The following ZNF682 variants were observed in gnomAD, a reference collection of about 807,000 sequenced individuals.
The protein encoded by ZNF682 is zinc finger protein 682.
In ZNF682, 29 loss-of-function variants were observed where a neutral mutation model predicts 36.5. The ratio of observed to expected loss-of-function variants is 0.80; its 90% CI spans 0.59 to 1.08. The LOEUF is 1.08. Among genes scored for constraint, ZNF682 ranks in the 50% least tolerant of loss-of-function variants. The probability of loss-of-function intolerance (pLI) is 0.00; values close to 1 mark genes in which losing one functional copy is unlikely to be tolerated. For missense variants in ZNF682, 561 were observed against 579.7 expected (o/e 0.97, Z 0.33); for synonymous variants, 180 against 197.0 (o/e 0.91, Z 0.72).
intron 1 of ZNF682, chr19:20,030,627 C>T (rs938922681): frequency 6.6e-6 from 1 of 152,104 alleles, no homozygotes; most frequent in African/African-American, 2.4e-5. Context: ...CATGAGTGGC[C>T]CTTCAGATGG....
chr19:20,035,371 G>A (rs529541250), intron 1 of ZNF682, among the ~76,000 whole-genome samples: 4 of 151,848 alleles, frequency 2.6e-5, no homozygotes, highest in East Asian at 3.9e-4. Context: ...GATTACAGGC[G>A]CCCACCACCA....
chr19:20,032,697 A>G (rs1177272544), intron 1 of ZNF682, among the ~76,000 whole-genome samples: 2 of 152,222 alleles, frequency 1.3e-5, no homozygotes, highest in African/African-American at 2.4e-5. Flanking sequence ...AAACCATATG[A>G]TTACACAATT....
At chr19:20,033,192 G>T (rs998716728) in intron 1 of ZNF682, among the ~76,000 whole-genome samples, 1 of 152,146 alleles carries the variant, frequency 6.6e-6, no homozygotes, top group Non-Finnish European at 1.5e-5. Context: ...AGAATCACTT[G>T]AACCTGGGAG....
rs140028929 is a variant in ZNF682, at chr19:20,028,196, A to T, written c.4-3820T>A. Reference sequence around the variant, plus strand: ...AATCATCTGGTATTTCAAGCCCCAGACTAATTTGATTCTGCAGGTTTGTTT... The same window carrying T: ...AATCATCTGGTATTTCAAGCCCCAGTCTAATTTGATTCTGCAGGTTTGTTT... On this transcript the variant is annotated intron_variant, in intron 1 of 3. Coordinates refer to ENST00000397165, the MANE Select transcript of ZNF682 (RefSeq NM_033196.3). 1.5e-4 allele frequency among the ~76,000 whole-genome samples: 19 copies of T among 129,086 alleles called. No homozygotes were observed. In the South Asian group the frequency reaches 5.0e-3, roughly 34 times the overall value. The allele number at this position is 129,086 out of a possible 152,430, so 84.7% of individuals were successfully genotyped here. A position where few individuals can be genotyped will look rare whatever the true frequency, so the allele number is the denominator to read the frequency against.
At chr19:20,034,970 C>T (rs1203334935) in intron 1 of ZNF682, among the ~76,000 whole-genome samples, 1 of 145,328 alleles carries the variant, frequency 6.9e-6, no homozygotes, top group Middle Eastern at 3.2e-3. Flanking sequence ...TTGGTGCGTG[C>T]CTGTAATCCC....
At position 20,007,015 on chromosome 19, in the gene ZNF682, CT is replaced by C. The variant is rs1173733094; in HGVS notation, c.486del (p.Glu163LysfsTer3). The C allele has an allele frequency of 6.2e-7, 1 of 1,613,142 alleles. No individual in the cohort carries two copies. The highest frequency in any genetic ancestry group is 1.1e-5 in the South Asian group (1 of 90,980). ...TTCTCTGTAGTATGTCTTATGTTTT[CT>C]CTATTTAGATTTGATGATTTACTAA... ...KVFSKSSNLN[R>X]ENIRHTTEKL... On this transcript the variant is annotated frameshift_variant, in exon 4 of 4. Coordinates refer to ENST00000397165, the MANE Select transcript of ZNF682 (RefSeq NM_033196.3). LOFTEE classifies it high-confidence loss of function.
rs186786858 is a variant in ZNF682, at chr19:20,009,799, T to C, written c.227-2524A>G. Among the ~76,000 whole-genome samples the C allele has an allele frequency of 1.7e-3, 256 of 152,224 alleles. 2 individuals carry two copies. The highest frequency in any genetic ancestry group is 6.0e-3 in the African/African-American group (248 of 41,556). On this transcript the variant is annotated intron_variant, in intron 3 of 3. Transcript: ENST00000397165. The stretch of plus-strand genomic sequence containing the variant: ...TTTTTGGGAGGCCAAGGTGGGCAGA[T>C]CACCTGAGTTCAGGAGTTCAAGACC...
At chr19:20,003,954 C>T (rs1463410394), downstream of ZNF682, among the ~76,000 whole-genome samples, 2 of 152,154 alleles carry the variant, frequency 1.3e-5, no homozygotes, top group East Asian at 3.8e-4. Flanking sequence ...GGTACACATC[C>T]ACATTCAAAT....
At chr19:20,036,814 GAAAAAAA>G (rs869238931) in intron 1 of ZNF682, among the ~76,000 whole-genome samples, 8 of 19,898 alleles carry the variant, frequency 4.0e-4, no homozygotes, top group Admixed American at 2.4e-3. Flanking sequence ...AAAAAAAAAA[GAAAAAAA>G]AAAAAAAAAA....
intron 3 of ZNF682, among the ~76,000 whole-genome samples, chr19:20,009,266 G>T (rs532826956): frequency 6.6e-6 from 1 of 152,224 alleles, no homozygotes; most frequent in East Asian, 1.9e-4. Flanking sequence ...CTAAGCAGAT[G>T]AAAGTATTTC....
Position 20,005,832 on chromosome 19 carries a change from A to G in ZNF682, c.*173T>C, listed in dbSNP as rs12327700. On this transcript the variant is annotated 3_prime_UTR_variant, in exon 4 of 4. Coordinates refer to ENST00000397165, the MANE Select transcript of ZNF682 (RefSeq NM_033196.3). ...AAAATCAGAATTTTTCTCAGCATGA[A>G]TTTTCTTCTGTGCAATAAGCTGTCA... is the stretch of plus-strand genomic sequence containing the variant. The G allele has an allele frequency of 0.061, 39,626 of 646,258 alleles. 1,993 individuals carry two copies. The highest frequency in any genetic ancestry group is 0.18 in the East Asian group (6,377 of 35,202). 40.0% of individuals were successfully genotyped at this position (646,258 alleles called of 1,614,324 possible).
intron 1 of ZNF682, among the ~76,000 whole-genome samples, chr19:20,039,021 A>C (rs1286851993): frequency 6.6e-6 from 1 of 151,472 alleles, no homozygotes; most frequent in East Asian, 2.0e-4. Context: ...CAAACCACAC[A>C]CGGGGTCTGG....
intron 1 of ZNF682, among the ~76,000 whole-genome samples, chr19:20,034,897 G>A (rs1027355511): frequency 1.1e-4 from 17 of 152,264 alleles, no homozygotes; most frequent in African/African-American, 4.1e-4. Context: ...CAAAGTTCGA[G>A]ACCAGCCTGG....
chr19:20,000,094 G>C (rs540474050), downstream of ZNF682, among the ~76,000 whole-genome samples: 49 of 152,326 alleles, frequency 3.2e-4, 2 homozygotes, highest in Admixed American at 3.1e-3. Context: ...TACAAATGGA[G>C]GCCTGACATG....
At chr19:20,037,007 TAAA>T (rs2088536834) in intron 1 of ZNF682, among the ~76,000 whole-genome samples, 1 of 151,930 alleles carries the variant, frequency 6.6e-6, no homozygotes, top group African/African-American at 2.4e-5. Context: ...CAATCAATAA[TAAA>T]AGTTTTCTAA....
chr19:20,031,761 T>C (rs1041843507), intron 1 of ZNF682, among the ~76,000 whole-genome samples: 5 of 151,966 alleles, frequency 3.3e-5, no homozygotes, highest in Non-Finnish European at 7.4e-5. Flanking sequence ...GCTAATACAG[T>C]GAAACCCCAT....
intron 3 of ZNF682, among the ~76,000 whole-genome samples, chr19:20,014,142 A>G (rs1314845539): frequency 6.6e-6 from 1 of 152,206 alleles, no homozygotes; most frequent in Non-Finnish European, 1.5e-5. Flanking sequence ...CAAATCAAAT[A>G]AAATCTCAAG....
At chr19:20,026,251 C>A (rs1431775406) in intron 1 of ZNF682, among the ~76,000 whole-genome samples, 3 of 151,448 alleles carry the variant, frequency 2.0e-5, no homozygotes, top group Non-Finnish European at 4.4e-5. Flanking sequence ...TGCAGTGAGC[C>A]GAGATCGCGC....
chr19:20,037,832 A>G (rs1026769043), intron 1 of ZNF682, among the ~76,000 whole-genome samples: 3 of 152,216 alleles, frequency 2.0e-5, no homozygotes, highest in Admixed American at 1.3e-4. Context: ...AGAAATGGAA[A>G]CTGGGAGTTG....
Sources: allele counts gnomAD v4.1 joint callset (sites outside exome capture counted in the v4.1 genomes callset), GRCh38; gene constraint gnomAD v4.1.1; transcripts MANE v1.5; gene names NCBI Gene and HGNC (gene_info 2026-07-23, HGNC 2026-07-21).